ANKRD55: variants seen among roughly 807,000 people sequenced by gnomAD.
The protein encoded by ANKRD55 is ankyrin repeat domain 55, also known as ankyrin repeat domain-containing protein 55.
In ANKRD55, 41 loss-of-function variants were observed where a neutral mutation model predicts 60.6. The ratio of observed to expected loss-of-function variants is 0.68; its 90% confidence interval spans 0.53 to 0.88. ANKRD55 has a LOEUF of 0.88. Among genes scored for constraint, ANKRD55 ranks in the 40% least tolerant of loss-of-function variants. The pLI is 0.00. For missense variants in ANKRD55, 732 were observed against 767.6 expected (o/e 0.95, Z 0.55); for synonymous variants, 264 against 290.3 (o/e 0.91, Z 0.92).
intron 6 of ANKRD55, among the ~76,000 whole-genome samples, chr5:56,158,931 T>C (rs989542551): frequency 1.3e-5 from 2 of 152,188 alleles, no homozygotes; most frequent in Non-Finnish European, 2.9e-5. Flanking sequence ...TGGGTTCAAG[T>C]GAGCCTCCCA....
chr5:56,108,718 AT>A (rs1243179302), intron 10 of ANKRD55, among the ~76,000 whole-genome samples: 3 of 152,190 alleles, frequency 2.0e-5, no homozygotes, highest in Admixed American at 6.5e-5. Flanking sequence ...TTCTGAAAAA[AT>A]ATATGGCCCT....
In ANKRD55 at chr5:56,170,649, T is replaced by C. The variant is rs533113135; in HGVS notation, c.422+45A>G. The C allele has an allele frequency of 3.4e-6, 5 of 1,486,166 alleles. No individual in the cohort carries two copies. In the Admixed American group the frequency reaches 5.1e-5, roughly 15 times the overall value. The allele number at this position is 1,486,166 out of a possible 1,614,324, so 92.1% of individuals were successfully genotyped here. A position where few individuals can be genotyped will look rare whatever the true frequency, so the allele number is the denominator to read the frequency against. On this transcript the variant is annotated intron_variant, in intron 5 of 11. Coordinates refer to ENST00000341048, the MANE Select transcript of ANKRD55 (RefSeq NM_024669.3). ...GGATTAGATGACCTTCTCATACAAG[T>C]TGAGTCACTCCCAACTTGAGCATCA...
At chr5:56,135,285 TGCCTGC>T (rs1757542173) in intron 7 of ANKRD55, among the ~76,000 whole-genome samples, 6 of 49,050 alleles carry the variant, frequency 1.2e-4, no homozygotes, top group Admixed American at 7.3e-4. Context: ...CCTCCCTGCC[TGCCTGC>T]TTGCTTTCTT....
rs529762379 is a variant in ANKRD55, at chr5:56,124,507, T to G, written c.797+2415A>C. Among the ~76,000 whole-genome samples the G allele has an allele frequency of 1.3e-3, 200 of 152,038 alleles. 3 individuals carry two copies. The highest frequency in any genetic ancestry group is 4.6e-3 in the African/African-American group (189 of 41,380). ...TGAAAAATTAAACTATTTATTTTTGTTTTTTTTAATTTTTTTTTGAGACGG... is the reference window on the plus strand; with the variant it reads ...TGAAAAATTAAACTATTTATTTTTGGTTTTTTTAATTTTTTTTTGAGACGG... On this transcript the variant is annotated intron_variant, in intron 8 of 11. Transcript: ENST00000341048.
intron 2 of ANKRD55, among the ~76,000 whole-genome samples, chr5:56,211,491 T>G (rs2111874490): frequency 6.6e-6 from 1 of 152,336 alleles, no homozygotes; most frequent in East Asian, 1.9e-4. Flanking sequence ...ACAAAGTGAC[T>G]TATCCAAACT....
At chr5:56,225,245 T>G (rs1018659771) in intron 2 of ANKRD55, among the ~76,000 whole-genome samples, 11 of 152,140 alleles carry the variant, frequency 7.2e-5, no homozygotes, top group Admixed American at 3.9e-4. Flanking sequence ...CGTGATTATC[T>G]CAATAGATGC....
At chr5:56,153,926 G>A (rs1347218520) in intron 6 of ANKRD55, among the ~76,000 whole-genome samples, 1 of 150,040 alleles carries the variant, frequency 6.7e-6, no homozygotes, top group East Asian at 2.0e-4. Flanking sequence ...AAAAAACTAA[G>A]TTAGGCCGGG....
chr5:56,209,773 A>G (rs1759616393), intron 2 of ANKRD55, among the ~76,000 whole-genome samples: 2 of 152,146 alleles, frequency 1.3e-5, no homozygotes, highest in Admixed American at 6.5e-5. Context: ...CTACATGTAT[A>G]TCCCTTTGTG....
chr5:56,195,739 T>C (rs1311746832), intron 2 of ANKRD55, among the ~76,000 whole-genome samples: 4 of 152,116 alleles, frequency 2.6e-5, no homozygotes, highest in Non-Finnish European at 4.4e-5. Context: ...CCACAGCGCC[T>C]GGCTAGCTAA....
intron 7 of ANKRD55, among the ~76,000 whole-genome samples, chr5:56,135,211 TTTCCTTCCTTCCTTCCTTCCTTCC>T (rs201467096): frequency 0.13 from 15,543 of 118,348 alleles, 1,253 homozygotes; most frequent in East Asian, 0.23. Flanking sequence ...GTCTCACAAC[TTTCCTTCCTTCCTTCCTTCCTTCC>T]TTCCTTCCTT....
intron 2 of ANKRD55, among the ~76,000 whole-genome samples, chr5:56,228,546 C>T (rs1450909355): frequency 6.6e-6 from 1 of 151,988 alleles, no homozygotes; most frequent in Non-Finnish European, 1.5e-5. Flanking sequence ...GTGCCTCAGC[C>T]TCCCAAGTAG....
At chr5:56,189,271 A>G (rs375856293) in intron 2 of ANKRD55, among the ~76,000 whole-genome samples, 1 of 150,102 alleles carries the variant, frequency 6.7e-6, no homozygotes, top group Admixed American at 6.7e-5. Context: ...ACATCGCGCC[A>G]CTGCACTCCA....
chr5:56,111,044 T>A, intron 10 of ANKRD55, 74 bp downstream of exon 10: 3 of 1,514,194 alleles, frequency 2.0e-6, no homozygotes, highest in Non-Finnish European at 2.7e-6. Context: ...TCACTCCAGT[T>A]CCTAGCTTAA....
Position 56,111,756 on chromosome 5 carries a change from G to A in ANKRD55, c.992C>T (p.Ser331Phe). Residue 331 changes from serine (S) to phenylalanine (F), a missense_variant, in exon 10 of 12, where the codon TCC becomes TTC. Ser to Phe is a radical substitution (Grantham distance 155). Coordinates refer to ENST00000341048, the MANE Select transcript of ANKRD55 (RefSeq NM_024669.3). ...CTTCTTCTGGGGCCGACTGCTCTGG[G>A]AGGGAGGGGGTCGAGTAGGCTCTGT... ...SRTEPTRPPPSQSSRPQKKER... is the reference protein window; with the variant it reads ...SRTEPTRPPPFQSSRPQKKER... 6.6e-7 allele frequency: 1 copy of A among 1,513,756 alleles called. No homozygotes were observed. The highest frequency in any genetic ancestry group is 8.8e-7 in the Non-Finnish European group (1 of 1,135,618). The allele number at this position is 1,513,756 out of a possible 1,614,324, so 93.8% of individuals were successfully genotyped here. A position where few individuals can be genotyped will look rare whatever the true frequency, so the allele number is the denominator to read the frequency against.
intron 2 of ANKRD55, among the ~76,000 whole-genome samples, chr5:56,227,024 A>C (rs1760130397): frequency 7.2e-6 from 1 of 138,006 alleles, no homozygotes; most frequent in Admixed American, 7.2e-5. Flanking sequence ...TGCTGATATA[A>C]AGACACATGC....
intron 2 of ANKRD55, among the ~76,000 whole-genome samples, chr5:56,199,628 C>T (rs183465788): frequency 3.8e-4 from 58 of 151,008 alleles, no homozygotes; most frequent in African/African-American, 1.2e-3. Context: ...TGGTGGCTCA[C>T]GCCTGTAATC....
At chr5:56,173,582 C>CTCTCTCTA (rs1484157730) in intron 4 of ANKRD55, among the ~76,000 whole-genome samples, 3 of 45,244 alleles carry the variant, frequency 6.6e-5, no homozygotes, top group African/African-American at 8.7e-5. Context: ...CTCTCTCTCT[C>CTCTCTCTA]TATATATATA....
intron 2 of ANKRD55, among the ~76,000 whole-genome samples, chr5:56,207,932 G>A (rs1759554341): frequency 6.6e-6 from 1 of 152,054 alleles, no homozygotes; most frequent in Non-Finnish European, 1.5e-5. Flanking sequence ...CTTAAAATTT[G>A]TTTCAACTTT....
In ANKRD55 at chr5:56,137,310, C is replaced by G. The variant is rs1580971730; in HGVS notation, c.612+6491G>C. ...ACTTATGGGTTTCGATGTAGATTAT[C>G]TGGTCATTGAGCATATCCATGGGAA... On this transcript the variant is annotated intron_variant, in intron 7 of 11. Transcript: ENST00000341048. 4 of 1,539,800 alleles carry G rather than the reference C, an allele frequency of 2.6e-6. No homozygotes were observed. The East Asian group carries it at 9.1e-5, about 35-fold the overall frequency.
Sources: gnomAD v4.1 joint callset for allele counts (sites outside exome capture counted in the v4.1 genomes callset) on GRCh38, gnomAD v4.1.1 for gene constraint, MANE v1.5 for transcripts, NCBI Gene and HGNC (gene_info 2026-07-23, HGNC 2026-07-21) for gene names.